MYDGF: variants seen among roughly 807,000 people sequenced by gnomAD.
MYDGF encodes myeloid derived growth factor, also known as myeloid-derived growth factor.
MYDGF carries 29 observed loss-of-function variants against 24.2 expected under a neutral mutation model. That is an observed-to-expected ratio of 1.20 (90% CI 0.89 to 1.63). MYDGF has a LOEUF of 1.63. Among genes scored for constraint, MYDGF ranks in the 40% most tolerant of loss-of-function variants. The probability of loss-of-function intolerance (pLI) is 0.00; values close to 1 mark genes in which losing one functional copy is unlikely to be tolerated. For missense variants in MYDGF, 245 were observed against 234.8 expected (o/e 1.04, Z -0.29); for synonymous variants, 105 against 102.5 (o/e 1.02, Z -0.15).
intron 3 of MYDGF, among the ~76,000 whole-genome samples, chr19:4,663,216 T>C (rs2088485332): frequency 9.0e-6 from 1 of 111,476 alleles, no homozygotes; most frequent in Non-Finnish European, 1.8e-5. Context: ...CCTGTCCTCA[T>C]TCTACACAGC....
intron 1 of MYDGF, among the ~76,000 whole-genome samples, chr19:4,669,726 G>C (rs534077103): frequency 1.3e-5 from 2 of 152,286 alleles, no homozygotes; most frequent in East Asian, 3.9e-4. Flanking sequence ...GGTGAGGGGG[G>C]ACCTTGTGCA....
chr19:4,668,517 C>T, intron 2 of MYDGF, 78 bp downstream of exon 2: 1 of 1,325,208 alleles, frequency 7.5e-7, no homozygotes, highest in African/African-American at 1.4e-5. Context: ...AGACCCAACC[C>T]TGCTGTCTGC....
intron 5 of MYDGF, among the ~76,000 whole-genome samples, chr19:4,659,005 G>A (rs1047366430): frequency 5.3e-5 from 8 of 151,978 alleles, no homozygotes; most frequent in African/African-American, 9.7e-5. Flanking sequence ...GTTTCACCAT[G>A]TTGGCTAGGC....
chr19:4,658,684 C>T (rs1568285544), intron 5 of MYDGF, among the ~76,000 whole-genome samples: 1 of 152,196 alleles, frequency 6.6e-6, no homozygotes, highest in Non-Finnish European at 1.5e-5. Context: ...CTCAGGCAAC[C>T]GAAGAAGGAC....
intron 2 of MYDGF, among the ~76,000 whole-genome samples, chr19:4,666,826 G>A (rs1468130824): frequency 6.6e-6 from 1 of 152,146 alleles, no homozygotes; most frequent in East Asian, 1.9e-4. Flanking sequence ...AGCACTTTGG[G>A]AGGCCGAGGC....
At chr19:4,661,658 C>T (rs1237506968) in intron 3 of MYDGF, among the ~76,000 whole-genome samples, 2 of 151,986 alleles carry the variant, frequency 1.3e-5, no homozygotes, top group East Asian at 3.9e-4. Context: ...TCTGTGGAAG[C>T]CCTGGCTGGG....
intron 4 of MYDGF, 156 bp downstream of exon 4, chr19:4,660,513 G>A (rs1247281906): frequency 3.1e-6 from 2 of 654,726 alleles, no homozygotes; most frequent in Non-Finnish European, 5.2e-6. Context: ...GGGCGTCTGT[G>A]TGCCAGGTTC....
At chr19:4,663,207 C>T (rs2088485054) in intron 3 of MYDGF, among the ~76,000 whole-genome samples, 1 of 143,206 alleles carries the variant, frequency 7.0e-6, no homozygotes, top group Admixed American at 6.9e-5. Context: ...CCCACCCGTC[C>T]TGTCCTCATT....
chr19:4,658,879 T>G (rs1599835189), intron 5 of MYDGF, among the ~76,000 whole-genome samples: 1 of 152,258 alleles, frequency 6.6e-6, no homozygotes, highest in Non-Finnish European at 1.5e-5. Context: ...CTCGACTCAC[T>G]GCAACCTCCT....
At chr19:4,662,395 C>T (rs1387345514) in intron 3 of MYDGF, among the ~76,000 whole-genome samples, 2 of 152,210 alleles carry the variant, frequency 1.3e-5, no homozygotes, top group Non-Finnish European at 2.9e-5. Context: ...GAAGAAGGGA[C>T]AAGATTCCTG....
intron 1 of MYDGF, 169 bp from the exon 2 acceptor site, chr19:4,668,814 TGAGAC>T (rs1278317915): frequency 1.8e-6 from 1 of 561,856 alleles, no homozygotes; most frequent in African/African-American, 1.9e-5. Flanking sequence ...CTCAAGTAAC[TGAGAC>T]AATAGGTACG....
intron 2 of MYDGF, among the ~76,000 whole-genome samples, chr19:4,667,461 G>A (rs1052139874): frequency 8.6e-5 from 13 of 151,916 alleles, no homozygotes; most frequent in African/African-American, 1.2e-4. Context: ...TAGTAGAGAC[G>A]GGGTTTCACC....
rs769735674 is a variant in MYDGF at position 4,660,680 on chromosome 19, C to T, written c.358G>A (p.Ala120Thr). 1.7e-5 allele frequency: 27 copies of T among 1,613,856 alleles called. No homozygotes were observed. The highest frequency in any genetic ancestry group is 1.1e-4 in the East Asian group (5 of 44,884). The change falls in exon 4 of 6, where the codon GCC (alanine) becomes ACC (threonine). Residue 120 changes from alanine to threonine, a missense_variant. Coordinates refer to ENST00000262947, the MANE Select transcript of MYDGF (RefSeq NM_019107.4). ...AEVRGAEIEY[A>T]MAYSKAAFER... ...TCCAAGATACTCACGTAGGCCATGG[C>T]GTACTCAATCTCAGCGCCCCGCACC... is the stretch of plus-strand genomic sequence containing the variant.
Position 4,664,883 on chromosome 19 carries a change from T to C in MYDGF, c.280A>G (p.Ile94Val), listed in dbSNP as rs991014176. 7 of 1,612,672 alleles carry C rather than the reference T, an allele frequency of 4.3e-6. No individual in the cohort carries two copies. In the East Asian group the frequency reaches 1.1e-4, roughly 26 times the overall value. Residue 94 changes from isoleucine (I) to valine (V), a missense_variant, in exon 3 of 6, where the codon ATC becomes GTC. By Grantham distance (29) the Ile-to-Val change is conservative. Transcript: ENST00000262947. The part of the protein sequence containing the change: ...SEDHQHFTCT[I>V]WRPQGKSYLY... ...CCCCACCCCGAGTCTCACCTCCAGA[T>C]GGTGCAGGTGAAGTGCTGGTGGTCT...
rs200767767 is a variant in MYDGF, at chr19:4,668,635, G to C, written c.185C>G (p.Thr62Arg). Residue 62 changes from threonine to arginine, a missense_variant, in exon 2 of 6, where the codon ACG becomes AGG. Coordinates refer to ENST00000262947, the MANE Select transcript of MYDGF (RefSeq NM_019107.4). ...SHNVGPGDKY[T>R]CMFTYASQGG... The stretch of plus-strand genomic sequence containing the variant: ...TTGAGAGGCGTAAGTGAACATACAC[G>C]TATATTTGTCCTAGAGAATGGAAGG... 26 of 1,612,328 alleles carry C rather than the reference G, an allele frequency of 1.6e-5. No homozygotes were observed. The highest frequency in any genetic ancestry group is 2.2e-5 in the Non-Finnish European group (26 of 1,178,948).
intron 1 of MYDGF, 118 bp downstream of exon 1, chr19:4,670,043 C>T (rs1400979141): frequency 6.9e-6 from 8 of 1,167,378 alleles, no homozygotes; most frequent in African/African-American, 6.5e-5. Context: ...ATCCGCACCC[C>T]TTCTTCAGTA....
rs763775661 is a variant in MYDGF, at chr19:4,660,788, C to G, written c.288-38G>C. ...AGGGGGCGAGGGAGTCAGGCCAGGC[C>G]TGCTGGGTCTGGGTCTGTGTGCCCT... On this transcript the variant is annotated intron_variant, in intron 3 of 5. Transcript: ENST00000262947. 1.9e-6 allele frequency: 3 copies of G among 1,582,586 alleles called. No homozygotes were observed. The African/African-American group carries it at 4.1e-5, about 21-fold the overall frequency.
intron 3 of MYDGF, among the ~76,000 whole-genome samples, chr19:4,663,484 T>TAC (rs1275362872): frequency 3.9e-5 from 4 of 101,850 alleles, no homozygotes; most frequent in Non-Finnish European, 3.8e-5. Flanking sequence ...ATCCTCATTC[T>TAC]ACAGCCTCCA....
chr19:4,661,731 G>A (rs530171504), intron 3 of MYDGF, among the ~76,000 whole-genome samples: 1 of 152,100 alleles, frequency 6.6e-6, no homozygotes, highest in African/African-American at 2.4e-5. Context: ...TTAAGCCCTA[G>A]CACTGCCAAC....
Sources: gnomAD v4.1 joint callset for allele counts (sites outside exome capture counted in the v4.1 genomes callset) on GRCh38, gnomAD v4.1.1 for gene constraint, MANE v1.5 for transcripts, NCBI Gene and HGNC (gene_info 2026-07-23, HGNC 2026-07-21) for gene names.